The following CYB5R3 variants were observed in gnomAD, a reference collection of about 807,000 sequenced individuals.
CYB5R3 encodes NADH-cytochrome b5 reductase 3.
In CYB5R3, 28 loss-of-function variants were observed where a neutral mutation model predicts 36.5. That is an observed-to-expected ratio of 0.77 (90% CI 0.57 to 1.05). The LOEUF (loss-of-function observed/expected upper bound fraction) is 1.05. CYB5R3 is among the 50% of genes least tolerant of loss of function. The probability of loss-of-function intolerance (pLI) is 0.00; values close to 1 mark genes in which losing one functional copy is unlikely to be tolerated. For missense variants in CYB5R3, 474 were observed against 408.9 expected, an observed-to-expected ratio of 1.16 and a Z score of -1.37; for synonymous variants, 181 against 159.8, an observed-to-expected ratio of 1.13 and a Z score of -1.00.
rs1927793464 is a variant in CYB5R3 at position 42,618,972 on chromosome 22, G to C, written c.*801C>G. ...ACTGCTCAGAATCCCCCTGTGCTGG[G>C]GGTGAGGGAAGGAGGGGACGGTTTA... is the stretch of plus-strand genomic sequence containing the variant. On this transcript the variant is annotated 3_prime_UTR_variant, in exon 9 of 9. Coordinates refer to ENST00000352397, the MANE Select transcript of CYB5R3 (RefSeq NM_000398.7). 1 of 152,342 alleles carries C rather than the reference G, an allele frequency of 6.6e-6. No individual in the cohort carries two copies. The highest frequency in any genetic ancestry group is 6.5e-5 in the Admixed American group (1 of 15,278). 9.4% of individuals were successfully genotyped at this position (152,342 alleles called of 1,614,324 possible).
chr22:42,635,507 T>C (rs1306614097), intron 2 of CYB5R3, among the ~76,000 whole-genome samples: 1 of 152,234 alleles, frequency 6.6e-6, no homozygotes, highest in East Asian at 1.9e-4. Flanking sequence ...CCCAAAGTGC[T>C]GGGATTACAG....
At chr22:42,636,665 C>T in intron 2 of CYB5R3, 50 bp downstream of exon 2, 2 of 1,600,054 alleles carry the variant, frequency 1.2e-6, no homozygotes. Context: ...AGAGTAGGTG[C>T]TGGGCAATGC....
At chr22:42,639,568 C>T (rs1929123270) in intron 1 of CYB5R3, among the ~76,000 whole-genome samples, 1 of 151,292 alleles carries the variant, frequency 6.6e-6, no homozygotes, top group African/African-American at 2.4e-5. Context: ...GCAGAGGTTG[C>T]AGTGAGCCGA....
chr22:42,641,403 C>T (rs890185353), intron 1 of CYB5R3, among the ~76,000 whole-genome samples: 2 of 149,086 alleles, frequency 1.3e-5, no homozygotes, highest in East Asian at 4.0e-4. Context: ...GCCTTCTGGG[C>T]TCCAGCGATT....
Position 42,638,723 on chromosome 22 carries a change from C to T in CYB5R3, c.22-1877G>A, listed in dbSNP as rs1395323497. Among the ~76,000 whole-genome samples the T allele has an allele frequency of 8.1e-5, 3 of 37,238 alleles. No individual in the cohort carries two copies. In the East Asian group the frequency reaches 2.3e-3, roughly 29 times the overall value. The allele number at this position is 37,238 out of a possible 152,430, so 24.4% of individuals were successfully genotyped here. A position where few individuals can be genotyped will look rare whatever the true frequency, so the allele number is the denominator to read the frequency against. On this transcript the variant is annotated intron_variant, in intron 1 of 8. Coordinates refer to ENST00000352397, the MANE Select transcript of CYB5R3 (RefSeq NM_000398.7). ...CTCCAGCCTGGGAGACAGAGCAAGA[C>T]TCCATAAAAAAAAAAAAAAAAAAAA...
Position 42,619,713 on chromosome 22 carries a change from G to T in CYB5R3, c.*60C>A. Reference sequence around the variant, plus strand: ...GTGTGCGATGTGGGGAGGTGACTGGGTGAGCGTGAACAGGGCGTGGGGTGC... The same window carrying T: ...GTGTGCGATGTGGGGAGGTGACTGGTTGAGCGTGAACAGGGCGTGGGGTGC... On this transcript the variant is annotated 3_prime_UTR_variant, in exon 9 of 9. Transcript: ENST00000352397. 1 of 1,486,724 alleles carries T rather than the reference G, an allele frequency of 6.7e-7. No individual in the cohort carries two copies. Among genetic ancestry groups the T allele is most frequent in the South Asian group, 1.3e-5 (1 of 78,910 alleles). The allele number at this position is 1,486,724 out of a possible 1,614,324, so 92.1% of individuals were successfully genotyped here. A position where few individuals can be genotyped will look rare whatever the true frequency, so the allele number is the denominator to read the frequency against.
chr22:42,627,362 C>T lies in CYB5R3; in HGVS notation c.575G>A (p.Arg192His), dbSNP rs200581263. 1.2e-4 allele frequency: 193 copies of T among 1,613,888 alleles called. No homozygotes were observed. Among genetic ancestry groups the T allele is most frequent in the Middle Eastern group, 3.3e-4 (2 of 6,060 alleles). Residue 192 changes from arginine to histidine, a missense_variant, in exon 7 of 9, where the codon CGC becomes CAC. Transcript: ENST00000352397. ...GTCATCAGGGTCCTTCATGATGGCGCGGATCACCTGCAGCATCGGGGTGAT... is the reference window on the plus strand; with the variant it reads ...GTCATCAGGGTCCTTCATGATGGCGTGGATCACCTGCAGCATCGGGGTGAT... The part of the protein sequence containing the change: ...TGITPMLQVI[R>H]AIMKDPDDHT...
chr22:42,648,203 TCCCCAAGGAGGAGACTCCAGGTCC>T (rs771866542), intron 1 of CYB5R3, among the ~76,000 whole-genome samples: 19,371 of 152,118 alleles, frequency 0.13, 1,333 homozygotes, highest in Middle Eastern at 0.2. Context: ...TTTGCCTGGA[TCCCCAAGGAGGAGACTCCAGGTCC>T]TCCCCAAGGA....
intron 1 of CYB5R3, among the ~76,000 whole-genome samples, chr22:42,643,982 G>A (rs939748254): frequency 5.9e-5 from 9 of 152,180 alleles, no homozygotes; most frequent in South Asian, 2.1e-4. Flanking sequence ...ATCCCAGCAC[G>A]TGAGGAAACT....
intron 4 of CYB5R3, among the ~76,000 whole-genome samples, 164 bp from the exon 5 acceptor site, chr22:42,628,445 T>C (rs1465546581): frequency 2.0e-5 from 3 of 152,166 alleles, no homozygotes; most frequent in East Asian, 3.8e-4. Context: ...CTACCTGTCC[T>C]GCACCCCGTC....
At chr22:42,648,925 T>G (rs1021506101) in intron 1 of CYB5R3, among the ~76,000 whole-genome samples, 30 of 151,972 alleles carry the variant, frequency 2.0e-4, no homozygotes, top group African/African-American at 7.3e-4. Context: ...TCTCAAGCCA[T>G]TCACACGCTC....
intron 1 of CYB5R3, among the ~76,000 whole-genome samples, chr22:42,639,565 T>C (rs1240126333): frequency 6.6e-6 from 1 of 151,636 alleles, no homozygotes; most frequent in Non-Finnish European, 1.5e-5. Flanking sequence ...GAGGCAGAGG[T>C]TGCAGTGAGC....
At chr22:42,630,494 G>A (rs1047187061) in intron 4 of CYB5R3, among the ~76,000 whole-genome samples, 11 of 152,240 alleles carry the variant, frequency 7.2e-5, no homozygotes, top group Non-Finnish European at 7.3e-5. Flanking sequence ...TCGCAGCAGG[G>A]GCGTCTGTAC....
Position 42,649,293 on chromosome 22 carries a change from A to T in CYB5R3, c.21+2T>A. The T allele has an allele frequency of 2.0e-6, 2 of 1,021,582 alleles. No homozygotes were observed. The highest frequency in any genetic ancestry group is 2.3e-6 in the Non-Finnish European group (2 of 851,312). The allele number at this position is 1,021,582 out of a possible 1,614,324, so 63.3% of individuals were successfully genotyped here. A position where few individuals can be genotyped will look rare whatever the true frequency, so the allele number is the denominator to read the frequency against. ...CGGCCCCGGCGCCCCCTCCCCGCCT[A>T]CCGTGCTGAGCTGGGCCCCCATGGT... On this transcript the variant is annotated splice_donor_variant, in intron 1 of 8. Transcript: ENST00000352397. LOFTEE classifies it high-confidence loss of function.
intron 1 of CYB5R3, among the ~76,000 whole-genome samples, chr22:42,642,548 C>A (rs546846571): frequency 6.6e-6 from 1 of 152,374 alleles, no homozygotes; most frequent in African/African-American, 2.4e-5. Flanking sequence ...ACACCATTCT[C>A]CTGCCTCAGC....
At position 42,618,069 on chromosome 22, in the gene CYB5R3, ACTTTCC is replaced by A. The variant is rs1224688223; in HGVS notation, c.*1698_*1703del. 6.6e-6 allele frequency: 1 copy of A among 152,092 alleles called. No homozygotes were observed. Among genetic ancestry groups the A allele is most frequent in the African/African-American group, 2.4e-5 (1 of 41,352 alleles). The allele number at this position is 152,092 out of a possible 1,614,324, so 9.4% of individuals were successfully genotyped here. A position where few individuals can be genotyped will look rare whatever the true frequency, so the allele number is the denominator to read the frequency against. ...ACCACCATGCAGATGGCATCCTCTG[ACTTTCC>A]TGAGCCTCGAGGCTCATCTGACCCT... On this transcript the variant is annotated 3_prime_UTR_variant, in exon 9 of 9. Coordinates refer to ENST00000352397, the MANE Select transcript of CYB5R3 (RefSeq NM_000398.7).
rs8190394 is a variant in CYB5R3, at chr22:42,645,903, G to T, written c.21+3392C>A. Among the ~76,000 whole-genome samples, 470 of 149,282 alleles carry T rather than the reference G, an allele frequency of 3.1e-3. 1 individual carries two copies. Among genetic ancestry groups the T allele is most frequent in the Non-Finnish European group, 5.4e-3 (362 of 67,378 alleles). On this transcript the variant is annotated intron_variant, in intron 1 of 8. Coordinates refer to ENST00000352397, the MANE Select transcript of CYB5R3 (RefSeq NM_000398.7). ...GGCAGGTCCCATGTGCAACGCAGGG[G>T]ACACAGGCCAGGAGGCCCCGCCCGA...
chr22:42,625,958 C>T (rs1440584711), intron 7 of CYB5R3, among the ~76,000 whole-genome samples: 1 of 152,184 alleles, frequency 6.6e-6, no homozygotes, highest in African/African-American at 2.4e-5. Context: ...TGAAGCCAGA[C>T]ATTCCAAGGT....
chr22:42,619,645 A>G lies in CYB5R3; in HGVS notation c.*128T>C, dbSNP rs1569314416. 5.7e-6 allele frequency: 5 copies of G among 877,414 alleles called. No homozygotes were observed. Among genetic ancestry groups the G allele is most frequent in the Non-Finnish European group, 5.2e-6 (3 of 574,040 alleles). 54.4% of individuals were successfully genotyped at this position (877,414 alleles called of 1,614,324 possible). ...TCCAGGGGAACTGCTCAGCCAGGTG[A>G]TTCACCAGGGCACGGGCAGGCCAGG... On this transcript the variant is annotated 3_prime_UTR_variant, in exon 9 of 9. Transcript: ENST00000352397.
Sources: gnomAD v4.1 joint callset for allele counts (sites outside exome capture counted in the v4.1 genomes callset) on GRCh38, gnomAD v4.1.1 for gene constraint, MANE v1.5 for transcripts, NCBI Gene and HGNC (gene_info 2026-07-23, HGNC 2026-07-21) for gene names.